The following ASAH1 variants were observed in gnomAD, a reference collection of about 807,000 sequenced individuals.
ASAH1 encodes acid ceramidase.
Under a neutral mutation model 59.5 loss-of-function variants are expected in ASAH1, and 70 were observed. That is an observed-to-expected ratio of 1.18 (90% CI 0.97 to 1.43). The LOEUF is 1.43. ASAH1 is among the 40% of genes most tolerant of loss of function. The probability of loss-of-function intolerance (pLI) is 0.00; values close to 1 mark genes in which losing one functional copy is unlikely to be tolerated. For missense variants in ASAH1, 660 were observed against 482.5 expected, an observed-to-expected ratio of 1.37 and a Z score of -3.45; for synonymous variants, 213 against 166.5, an observed-to-expected ratio of 1.28 and a Z score of -2.15.
rs371756048 is a variant in ASAH1, at chr8:18,084,085, G to A, written c.-27C>T. 7.7e-4 allele frequency: 1,223 copies of A among 1,597,734 alleles called. 1 individual carries two copies. Among genetic ancestry groups the A allele is most frequent in the Non-Finnish European group, 9.8e-4 (1,152 of 1,179,492 alleles). ...GCTCTAGCAGCCAACGCCACTCCCC[G>A]GACTCCAGCAGAGGCAAAGAAGAGC... On this transcript the variant is annotated 5_prime_UTR_variant, in exon 1 of 14. Transcript: ENST00000637790.
intron 5 of ASAH1, chr8:18,066,422 C>CAAAAAAAAAAAAAAAAAA (rs35999931): frequency 6.3e-5 from 8 of 127,340 alleles, no homozygotes; most frequent in African/African-American, 8.4e-5. Flanking sequence ...CAAAGAAAAC[C>CAAAAAAAAAAAAAAAAAA]AAAAAAAAAA....
chr8:18,081,241 T>C (rs1379851694), intron 1 of ASAH1, among the ~76,000 whole-genome samples: 1 of 152,094 alleles, frequency 6.6e-6, no homozygotes, highest in Admixed American at 6.6e-5. Flanking sequence ...CACCCAACGA[T>C]TCCTTCAGCT....
chr8:18,056,112 T>TC lies in ASAH1; in HGVS notation c.*1421dup, dbSNP rs1799461379. 6.6e-6 allele frequency: 1 copy of TC among 152,220 alleles called. No homozygotes were observed. Among genetic ancestry groups the TC allele is most frequent in the Non-Finnish European group, 1.5e-5 (1 of 68,044 alleles). 9.4% of individuals were successfully genotyped at this position (152,220 alleles called of 1,614,324 possible). On this transcript the variant is annotated 3_prime_UTR_variant, in exon 14 of 14. Coordinates refer to ENST00000637790, the MANE Select transcript of ASAH1 (RefSeq NM_177924.5). ...AGAAAATCTGAGTAAAGTTTTTTTT[T>TC]CATTAATTAAATCCTATTTTAATGT...
chr8:18,069,744 G>A (rs371420377), intron 4 of ASAH1, 48 bp downstream of exon 4: 29 of 1,327,204 alleles, frequency 2.2e-5, no homozygotes, highest in Non-Finnish European at 2.5e-5. Flanking sequence ...AAATAACAGC[G>A]CATTTTCTAT....
At position 18,067,283 on chromosome 8, in the gene ASAH1, T is replaced by A; in HGVS notation, c.319A>T (p.Asn107Tyr). ...TCCTCTTCAAAAGGGCCAGGAAAGT[T>A]GCCAAGTAGGCCAGGCTGGAAAACA... ...VDEKLPGLLG[N>Y]FPGPFEEEMK... The change falls in exon 5 of 14, where the codon AAC becomes TAC. Residue 107 changes from asparagine (N) to tyrosine (Y), a missense_variant. Physicochemically the swap from Asn to Tyr is moderately radical, Grantham distance 143. Transcript: ENST00000637790. 6.2e-7 allele frequency: 1 copy of A among 1,600,048 alleles called. No individual in the cohort carries two copies. The highest frequency in any genetic ancestry group is 1.1e-5 in the South Asian group (1 of 87,426).
chr8:18,067,523 T>G, intron 4 of ASAH1: 3 of 200,388 alleles, frequency 1.5e-5, no homozygotes, highest in Non-Finnish European at 2.0e-5. Flanking sequence ...ATTGGGCCCC[T>G]ATACAGAGAC....
At chr8:18,081,416 G>C (rs1800647873) in intron 1 of ASAH1, among the ~76,000 whole-genome samples, 1 of 152,008 alleles carries the variant, frequency 6.6e-6, no homozygotes, top group Admixed American at 6.5e-5. Context: ...ATGTTATCTT[G>C]TCTAAAACCA....
chr8:18,074,990 G>T (rs1800332087), intron 2 of ASAH1, among the ~76,000 whole-genome samples: 1 of 150,838 alleles, frequency 6.6e-6, no homozygotes, highest in Non-Finnish European at 1.5e-5. Context: ...AGTGGAGAAT[G>T]AAAATCCTTT....
At chr8:18,079,054 ATCAC>A (rs1800533355) in intron 1 of ASAH1, among the ~76,000 whole-genome samples, 1 of 152,126 alleles carries the variant, frequency 6.6e-6, no homozygotes, top group Admixed American at 6.6e-5. Flanking sequence ...AGGTGGGTGG[ATCAC>A]CTGAGGTCAG....
chr8:18,065,505 G>C (rs1035847484), intron 5 of ASAH1: 9 of 152,004 alleles, frequency 5.9e-5, no homozygotes, highest in Non-Finnish European at 1.2e-4. Context: ...CTACTGCTTT[G>C]CTAGCTTAAA....
intron 1 of ASAH1, chr8:18,076,300 A>G (rs1024673949): frequency 1.3e-5 from 2 of 153,690 alleles, no homozygotes; most frequent in African/African-American, 4.8e-5. Flanking sequence ...ATTTGTGCAC[A>G]CTCTCATCAA....
At chr8:18,061,007 C>A in intron 10 of ASAH1, 1 of 208,602 alleles carries the variant, frequency 4.8e-6, no homozygotes, top group Non-Finnish European at 9.7e-6. Context: ...TCTATCTCAG[C>A]CACCCAAAGC....
At chr8:18,059,024 G>T in intron 12 of ASAH1, 133 bp from the exon 13 acceptor site, 1 of 827,968 alleles carries the variant, frequency 1.2e-6, no homozygotes, top group Non-Finnish European at 2.0e-6. Flanking sequence ...TGGAGTTTCT[G>T]TGGGAGTCAC....
At chr8:18,058,397 T>C (rs2117013984) in intron 13 of ASAH1, 1 of 165,128 alleles carries the variant, frequency 6.1e-6, no homozygotes, top group East Asian at 1.8e-4. Flanking sequence ...GATAGGAAAC[T>C]TTTTGCATTT....
chr8:18,059,215 G>A, intron 12 of ASAH1, 126 bp downstream of exon 12: 1 of 1,448,084 alleles, frequency 6.9e-7, no homozygotes, highest in Non-Finnish European at 9.5e-7. Context: ...AATCAGTGGA[G>A]AGTGGCTAGA....
chr8:18,069,682 T>C (rs1800076006), intron 4 of ASAH1, 110 bp downstream of exon 4: 1 of 752,632 alleles, frequency 1.3e-6, no homozygotes. Context: ...GCTAGATTCA[T>C]GCAGATTTGC....
At chr8:18,075,943 C>T in intron 1 of ASAH1, 1 of 353,554 alleles carries the variant, frequency 2.8e-6, no homozygotes, top group Non-Finnish European at 5.4e-6. Flanking sequence ...GTATTATCTG[C>T]ACTTACCAGC....
intron 2 of ASAH1, 111 bp downstream of exon 2, chr8:18,075,430 G>A: frequency 4.3e-6 from 5 of 1,169,016 alleles, no homozygotes; most frequent in South Asian, 2.4e-5. Flanking sequence ...CTCGGAATGG[G>A]AAACATGACT....
At position 18,059,415 on chromosome 8, in the gene ASAH1, G is replaced by A. The variant is rs147830297; in HGVS notation, c.967C>T (p.Arg323Cys). The change falls in exon 12 of 14, where the codon CGT becomes TGT. Residue 323 changes from arginine (R) to cysteine (C), a missense_variant. By Grantham distance (180) the Arg-to-Cys change is radical. Coordinates refer to ENST00000637790, the MANE Select transcript of ASAH1 (RefSeq NM_177924.5). ...RWYVVQTNYD[R>C]WKHPFFLDDR... ...TCAAGGAAGAAGGGATGTTTCCAAC[G>A]GTCATAATTTGTTTGTACCACATAC... The A allele has an allele frequency of 2.0e-5, 33 of 1,614,136 alleles. No homozygotes were observed. The highest frequency in any genetic ancestry group is 1.5e-4 in the African/African-American group (11 of 75,020).
Sources: gnomAD v4.1 joint callset for allele counts (sites outside exome capture counted in the v4.1 genomes callset) on GRCh38, gnomAD v4.1.1 for gene constraint, MANE v1.5 for transcripts, NCBI Gene and HGNC (gene_info 2026-07-23, HGNC 2026-07-21) for gene names.